Variants in PTPRD observed in about 807,000 individuals in gnomAD.
PTPRD encodes protein tyrosine phosphatase receptor type D, also known as receptor-type tyrosine-protein phosphatase delta.
PTPRD carries 34 observed loss-of-function variants against 214.5 expected under a neutral mutation model. The ratio of observed to expected loss-of-function variants is 0.16; its 90% CI spans 0.12 to 0.21. PTPRD has a LOEUF of 0.21. PTPRD is among the 10% of genes least tolerant of loss of function. PTPRD has a pLI of 1.00. For missense variants in PTPRD, 2,545 were observed against 2,398.7 expected, an observed-to-expected ratio of 1.06 and a Z score of -1.27; for synonymous variants, 1,128 against 845.7, an observed-to-expected ratio of 1.33 and a Z score of -5.79.
chr9:8,752,335 G>A (rs2093616027), intron 11 of PTPRD, among the ~76,000 whole-genome samples: 1 of 152,120 alleles, frequency 6.6e-6, no homozygotes, highest in African/African-American at 2.4e-5. Context: ...ACTTTCAACA[G>A]TGCCATGGCA....
chr9:9,756,725 T>A (rs1362604426), intron 6 of PTPRD, among the ~76,000 whole-genome samples: 2 of 152,186 alleles, frequency 1.3e-5, no homozygotes, highest in Non-Finnish European at 2.9e-5. Context: ...TTTTATGGTA[T>A]ATGAATTTTA....
chr9:10,192,433 G>A (rs1021463440), intron 3 of PTPRD, among the ~76,000 whole-genome samples: 1 of 116,600 alleles, frequency 8.6e-6, no homozygotes, highest in Non-Finnish European at 1.6e-5. Flanking sequence ...TATTGGCAAG[G>A]TCACGATCCA....
chr9:10,107,527 G>T (rs1293891518), intron 3 of PTPRD, among the ~76,000 whole-genome samples: 1 of 152,022 alleles, frequency 6.6e-6, no homozygotes, highest in African/African-American at 2.4e-5. Context: ...TTTACTACCT[G>T]TTCTTAAGCA....
At chr9:8,435,297 C>G (rs2381801) in intron 35 of PTPRD, among the ~76,000 whole-genome samples, 34,356 of 152,064 alleles carry the variant, frequency 0.23, 4,455 homozygotes, top group East Asian at 0.56. Context: ...TGTGACCCCT[C>G]TAAGCCACTT....
At chr9:9,109,164 T>C (rs532799352) in intron 10 of PTPRD, among the ~76,000 whole-genome samples, 8 of 152,334 alleles carry the variant, frequency 5.3e-5, no homozygotes, top group African/African-American at 1.2e-4. Context: ...TATCCTGCTA[T>C]GGATTAGGAT....
At chr9:9,745,306 T>A (rs1011853924) in intron 6 of PTPRD, among the ~76,000 whole-genome samples, 2 of 152,124 alleles carry the variant, frequency 1.3e-5, no homozygotes, top group African/African-American at 4.8e-5. Context: ...TATGAACTTA[T>A]TTTCAAGGAA....
chr9:8,706,632 A>G (rs761328515), intron 12 of PTPRD, among the ~76,000 whole-genome samples: 2 of 152,222 alleles, frequency 1.3e-5, no homozygotes, highest in African/African-American at 2.4e-5. Flanking sequence ...TCAGGAGCAG[A>G]GATGCGTGAG....
chr9:10,098,704 T>C (rs2098520371), intron 3 of PTPRD, among the ~76,000 whole-genome samples: 1 of 151,712 alleles, frequency 6.6e-6, no homozygotes, highest in African/African-American at 2.4e-5. Flanking sequence ...CAGTTTTTAA[T>C]GTTCTAAATT....
At chr9:9,426,316 C>T (rs1412176820) in intron 8 of PTPRD, among the ~76,000 whole-genome samples, 2 of 152,200 alleles carry the variant, frequency 1.3e-5, no homozygotes, top group African/African-American at 4.8e-5. Flanking sequence ...AGTGCTAGCA[C>T]AGCAGTCTGA....
At chr9:10,529,799 C>T (rs2055607260) in intron 2 of PTPRD, among the ~76,000 whole-genome samples, 1 of 151,564 alleles carries the variant, frequency 6.6e-6, no homozygotes, top group South Asian at 2.1e-4. Flanking sequence ...CAAACTTACA[C>T]AGAAACACAA....
intron 44 of PTPRD, among the ~76,000 whole-genome samples, chr9:8,321,950 G>A (rs961787906): frequency 6.6e-6 from 1 of 152,008 alleles, no homozygotes; most frequent in East Asian, 1.9e-4. Context: ...TTGTGTCTCT[G>A]TGTAGCAGTT....
At chr9:10,511,931 CGTGTATATATATATACGT>C (rs2048238015) in intron 2 of PTPRD, among the ~76,000 whole-genome samples, 1 of 63,808 alleles carries the variant, frequency 1.6e-5, no homozygotes, top group African/African-American at 6.1e-5. Context: ...TATATATATA[CGTGTATATATATATACGT>C]GTGTGTATAT....
chr9:9,975,342 T>C (rs989778994), intron 4 of PTPRD, among the ~76,000 whole-genome samples: 1 of 152,246 alleles, frequency 6.6e-6, no homozygotes, highest in Non-Finnish European at 1.5e-5. Context: ...CTGTGGTTCT[T>C]TGCTTTCACT....
intron 3 of PTPRD, among the ~76,000 whole-genome samples, chr9:10,249,392 T>A (rs1242586276): frequency 6.6e-6 from 1 of 152,154 alleles, no homozygotes; most frequent in Non-Finnish European, 1.5e-5. Context: ...TTTCAAGATC[T>A]ATAGGAACCA....
intron 9 of PTPRD, among the ~76,000 whole-genome samples, chr9:9,368,569 G>T (rs2058530540): frequency 6.6e-6 from 1 of 151,824 alleles, no homozygotes; most frequent in Non-Finnish European, 1.5e-5. Context: ...AGGCAATAAA[G>T]ATGACAGTTT....
intron 8 of PTPRD, among the ~76,000 whole-genome samples, chr9:9,428,012 C>T (rs1304038647): frequency 1.3e-5 from 2 of 152,140 alleles, no homozygotes; most frequent in Admixed American, 1.3e-4. Flanking sequence ...AACTAAGGAG[C>T]AAAATAACCA....
At chr9:8,651,717 G>C (rs1564995941) in intron 12 of PTPRD, among the ~76,000 whole-genome samples, 1 of 152,104 alleles carries the variant, frequency 6.6e-6, no homozygotes. Flanking sequence ...AGAGGGGGAA[G>C]GGCCGTTTTT....
intron 2 of PTPRD, among the ~76,000 whole-genome samples, chr9:10,395,979 GACAGCGAGAGAC>G (rs1251086070): frequency 4.0e-5 from 6 of 151,358 alleles, no homozygotes; most frequent in South Asian, 4.2e-4. Context: ...GAGAGAGAGA[GACAGCGAGAGAC>G]ACAGCGAGAG....
chr9:8,715,966 T>C (rs140750899), intron 12 of PTPRD, among the ~76,000 whole-genome samples: 1 of 152,394 alleles, frequency 6.6e-6, no homozygotes, highest in East Asian at 1.9e-4. Context: ...TTTGGAGCAC[T>C]GGCCCTTGAA....
Sources: allele counts gnomAD v4.1 joint callset (sites outside exome capture counted in the v4.1 genomes callset), GRCh38; gene constraint gnomAD v4.1.1; transcripts MANE v1.5; gene names NCBI Gene and HGNC (gene_info 2026-07-23, HGNC 2026-07-21).